Variants in RTF1 observed in about 807,000 individuals in gnomAD.
RTF1 encodes the protein RNA polymerase-associated protein RTF1 homolog.
A neutral mutation model predicts 95.7 loss-of-function variants in RTF1; 10 were observed. The observed-to-expected ratio is 0.10, with a 90% CI of 0.06 to 0.18. RTF1 has a LOEUF of 0.18. Ranked by LOEUF, RTF1 falls within the 10% of genes least tolerant of loss-of-function variation. RTF1 has a pLI of 1.00. For missense variants in RTF1, 458 were observed against 875.6 expected, an observed-to-expected ratio of 0.52 and a Z score of 6.02; for synonymous variants, 305 against 311.8, an observed-to-expected ratio of 0.98 and a Z score of 0.23.
chr15:41,446,373 A>G (rs2050762642), intron 2 of RTF1, among the ~76,000 whole-genome samples: 1 of 151,994 alleles, frequency 6.6e-6, no homozygotes, highest in Non-Finnish European at 1.5e-5. Flanking sequence ...GATCGAGACC[A>G]TCCTAACCCA....
intron 4 of RTF1, among the ~76,000 whole-genome samples, chr15:41,463,656 A>C (rs1013648536): frequency 6.6e-6 from 1 of 151,774 alleles, no homozygotes; most frequent in Non-Finnish European, 1.5e-5. Flanking sequence ...CAATTTTTAA[A>C]ATTTTTGTAG....
chr15:41,431,269 C>T (rs182454616), intron 1 of RTF1, among the ~76,000 whole-genome samples: 2 of 146,966 alleles, frequency 1.4e-5, no homozygotes, highest in African/African-American at 5.1e-5. Flanking sequence ...GGCTAGAGTG[C>T]AGTGGTGCAA....
At chr15:41,469,003 C>T (rs2050895797) in intron 6 of RTF1, among the ~76,000 whole-genome samples, 1 of 152,126 alleles carries the variant, frequency 6.6e-6, no homozygotes, top group Non-Finnish European at 1.5e-5. Flanking sequence ...GGATCTCTCT[C>T]TGTTACTCAG....
intron 3 of RTF1, among the ~76,000 whole-genome samples, chr15:41,456,628 C>G (rs2050818591): frequency 1.3e-5 from 2 of 151,868 alleles, no homozygotes; most frequent in Admixed American, 6.6e-5. Flanking sequence ...GAAACCCCAT[C>G]TCTGCTGAAA....
intron 5 of RTF1, 29 bp from the exon 6 acceptor site, chr15:41,466,112 G>A (rs1254036024): frequency 2.8e-6 from 4 of 1,423,432 alleles, no homozygotes; most frequent in Non-Finnish European, 3.8e-6. Flanking sequence ...TGGTAAAAAG[G>A]GCCATTCTAT....
rs1272263916 is a variant in RTF1 at position 41,457,646 on chromosome 15, A to G, written c.458-26A>G. The G allele has an allele frequency of 3.1e-6, 5 of 1,611,076 alleles. No homozygotes were observed. The East Asian group carries it at 1.1e-4, about 36-fold the overall frequency. On this transcript the variant is annotated intron_variant, in intron 3 of 17. Coordinates refer to ENST00000389629, the MANE Select transcript of RTF1 (RefSeq NM_015138.5). ...GGCCTGTCTTCTGTAGCATAGTGTA[A>G]TCTTGTGTTTGGGCCTTTGTTGCAG...
chr15:41,456,412 C>CTCT (rs2050816537), intron 3 of RTF1, among the ~76,000 whole-genome samples: 1 of 151,320 alleles, frequency 6.6e-6, no homozygotes, highest in African/African-American at 2.4e-5. Context: ...TGGCATGAAC[C>CTCT]CGAGAGGCGG....
chr15:41,419,275 A>C (rs1265703266), intron 1 of RTF1, among the ~76,000 whole-genome samples: 4 of 152,212 alleles, frequency 2.6e-5, no homozygotes, highest in African/African-American at 7.2e-5. Context: ...TACCATTTAT[A>C]TAGTGCCTAG....
chr15:41,474,802 C>T (rs911545679), intron 9 of RTF1, 100 bp downstream of exon 9: 26 of 863,990 alleles, frequency 3.0e-5, no homozygotes, highest in African/African-American at 5.0e-5. Context: ...TTACCATGAA[C>T]GCTATGTATG....
intron 6 of RTF1, among the ~76,000 whole-genome samples, chr15:41,468,606 C>G (rs769432945): frequency 2.0e-5 from 3 of 152,154 alleles, no homozygotes; most frequent in Non-Finnish European, 2.9e-5. Flanking sequence ...TGTGAGCCAC[C>G]GCACCCGGCC....
intron 3 of RTF1, among the ~76,000 whole-genome samples, chr15:41,457,403 C>T (rs1271789628): frequency 2.0e-5 from 3 of 151,678 alleles, no homozygotes; most frequent in South Asian, 2.1e-4. Context: ...TGTGGTGGCA[C>T]ACATCTGTAA....
intron 1 of RTF1, among the ~76,000 whole-genome samples, chr15:41,427,777 T>C (rs1272171547): frequency 6.6e-6 from 1 of 152,134 alleles, no homozygotes; most frequent in African/African-American, 2.4e-5. Context: ...TTGGCATACC[T>C]ATGGTGTCAA....
At chr15:41,427,225 C>T (rs571254404) in intron 1 of RTF1, among the ~76,000 whole-genome samples, 43 of 147,054 alleles carry the variant, frequency 2.9e-4, no homozygotes, top group Non-Finnish European at 5.5e-4. Context: ...GATCTCGGCT[C>T]ACTGCAAGCT....
intron 4 of RTF1, among the ~76,000 whole-genome samples, chr15:41,462,934 T>C (rs763239328): frequency 2.0e-5 from 3 of 152,150 alleles, no homozygotes; most frequent in Non-Finnish European, 4.4e-5. Context: ...TTTAAACTTT[T>C]ATTAAAGAAG....
At chr15:41,479,996 T>C (rs1448904635) in intron 16 of RTF1, among the ~76,000 whole-genome samples, 1 of 152,136 alleles carries the variant, frequency 6.6e-6, no homozygotes, top group Admixed American at 6.6e-5. Flanking sequence ...TCTACACTCA[T>C]ACCACAGACA....
intron 1 of RTF1, among the ~76,000 whole-genome samples, chr15:41,428,498 G>A (rs2050650359): frequency 6.6e-6 from 1 of 150,840 alleles, no homozygotes; most frequent in African/African-American, 2.4e-5. Flanking sequence ...TCGATCTCCT[G>A]ACCTTGTGAT....
intron 8 of RTF1, among the ~76,000 whole-genome samples, chr15:41,473,495 G>A (rs575127238): frequency 4.7e-5 from 7 of 150,032 alleles, no homozygotes; most frequent in South Asian, 2.1e-4. Context: ...AGGCTAATCC[G>A]GAACTCCTGG....
In RTF1 at chr15:41,478,408, A is replaced by AT. The variant is rs1405746751; in HGVS notation, c.1741-138dup. 62 of 709,226 alleles carry AT rather than the reference A, an allele frequency of 8.7e-5. No individual in the cohort carries two copies. In the African/African-American group the frequency reaches 9.5e-4, roughly 11 times the overall value. The allele number at this position is 709,226 out of a possible 1,614,324, so 43.9% of individuals were successfully genotyped here. On this transcript the variant is annotated intron_variant, in intron 14 of 17. Transcript: ENST00000389629. ...AGGGCGAGACTCCATCTCAAAAAAA[A>AT]TTAAAAAAAAAAAAAAAGGAAAAGG...
intron 16 of RTF1, among the ~76,000 whole-genome samples, chr15:41,479,864 CAAA>C (rs72095200): frequency 1.4e-4 from 12 of 85,988 alleles, no homozygotes; most frequent in Non-Finnish European, 1.6e-4. Flanking sequence ...ACTCCCACCT[CAAA>C]AAAAAAAAAA....
Sources: gnomAD v4.1 joint callset for allele counts (sites outside exome capture counted in the v4.1 genomes callset) on GRCh38, gnomAD v4.1.1 for gene constraint, MANE v1.5 for transcripts, NCBI Gene and HGNC (gene_info 2026-07-23, HGNC 2026-07-21) for gene names.